Variants in NPAS3 observed in about 807,000 individuals in gnomAD.
NPAS3 encodes the protein neuronal PAS domain-containing protein 3.
In NPAS3, 14 loss-of-function variants were observed where a neutral mutation model predicts 73.1. The ratio of observed to expected loss-of-function variants is 0.19; its 90% confidence interval spans 0.13 to 0.30. The LOEUF (loss-of-function observed/expected upper bound fraction) is 0.30. Ranked by LOEUF, NPAS3 falls within the 10% of genes least tolerant of loss-of-function variation. The pLI is 1.00. For synonymous variants in NPAS3, 620 were observed against 541.5 expected (o/e 1.14, Z -2.01); for missense variants, 1,096 against 1,250.0 (o/e 0.88, Z 1.86).
At chr14:33,090,999 C>T (rs144938496) in intron 2 of NPAS3, among the ~76,000 whole-genome samples, 10 of 152,174 alleles carry the variant, frequency 6.6e-5, no homozygotes, top group South Asian at 4.2e-4. Context: ...TGTGTGTCGA[C>T]GGAAATTTAT....
chr14:33,551,038 T>C (rs958637125), intron 4 of NPAS3, among the ~76,000 whole-genome samples: 7 of 152,182 alleles, frequency 4.6e-5, no homozygotes, highest in South Asian at 2.1e-4. Flanking sequence ...ATACATAAAA[T>C]AAAGAGCAAA....
intron 4 of NPAS3, among the ~76,000 whole-genome samples, chr14:33,403,956 G>A (rs944438137): frequency 6.6e-6 from 1 of 152,122 alleles, no homozygotes; most frequent in Non-Finnish European, 1.5e-5. Flanking sequence ...TAAGCAGTAA[G>A]CACAAATATA....
At chr14:33,211,725 G>A (rs906582751) in intron 2 of NPAS3, among the ~76,000 whole-genome samples, 1 of 152,124 alleles carries the variant, frequency 6.6e-6, no homozygotes, top group Non-Finnish European at 1.5e-5. Flanking sequence ...ATATGTGTGT[G>A]TGTGTTTTGA....
intron 4 of NPAS3, among the ~76,000 whole-genome samples, chr14:33,519,017 TTC>T (rs1372185111): frequency 6.6e-6 from 1 of 152,108 alleles, no homozygotes; most frequent in Non-Finnish European, 1.5e-5. Flanking sequence ...CTGGTAGACT[TTC>T]TGACTCCCTA....
At chr14:33,543,957 A>ATATATC (rs2054639022) in intron 4 of NPAS3, among the ~76,000 whole-genome samples, 5 of 13,866 alleles carry the variant, frequency 3.6e-4, no homozygotes, top group African/African-American at 3.1e-3. Flanking sequence ...ATATATATAT[A>ATATATC]TATATATATA....
intron 5 of NPAS3, among the ~76,000 whole-genome samples, chr14:33,604,464 G>A (rs2057495108): frequency 6.6e-6 from 1 of 151,940 alleles, no homozygotes; most frequent in South Asian, 2.1e-4. Flanking sequence ...GGACACCCGA[G>A]TATAAAGCAG....
chr14:33,200,932 A>T (rs1031997464), intron 2 of NPAS3, among the ~76,000 whole-genome samples: 9 of 152,082 alleles, frequency 5.9e-5, no homozygotes, highest in Admixed American at 1.3e-4. Context: ...ATTTTCTTTG[A>T]TCCTGCAAGT....
intron 5 of NPAS3, among the ~76,000 whole-genome samples, chr14:33,589,351 T>TA (rs2056981547): frequency 6.6e-6 from 1 of 152,174 alleles, no homozygotes; most frequent in Non-Finnish European, 1.5e-5. Flanking sequence ...GAACAATCAA[T>TA]ATAAGAAGCT....
chr14:33,435,836 T>A (rs1458749505), intron 4 of NPAS3, among the ~76,000 whole-genome samples: 1 of 152,056 alleles, frequency 6.6e-6, no homozygotes, highest in Non-Finnish European at 1.5e-5. Flanking sequence ...GCCATGATCA[T>A]CTTCATCATC....
At chr14:32,962,991 T>C (rs1742781267) in intron 1 of NPAS3, among the ~76,000 whole-genome samples, 1 of 151,332 alleles carries the variant, frequency 6.6e-6, no homozygotes, top group Admixed American at 6.6e-5. Context: ...AATTTTAAAG[T>C]GCACATTTCC....
At chr14:33,086,951 T>G (rs1343523067) in intron 2 of NPAS3, among the ~76,000 whole-genome samples, 1 of 151,990 alleles carries the variant, frequency 6.6e-6, no homozygotes, top group Admixed American at 6.6e-5. Context: ...ATTTTAGTTG[T>G]CTCTCAGAAG....
intron 4 of NPAS3, among the ~76,000 whole-genome samples, chr14:33,450,116 A>T (rs927665781): frequency 3.3e-5 from 5 of 152,232 alleles, no homozygotes; most frequent in Admixed American, 6.5e-5. Context: ...ACAAGTTCTC[A>T]TTGGATATAC....
At chr14:33,741,257 G>A (rs535774825) in intron 7 of NPAS3, among the ~76,000 whole-genome samples, 10 of 152,312 alleles carry the variant, frequency 6.6e-5, no homozygotes, top group African/African-American at 2.2e-4. Flanking sequence ...GTGAAATGAT[G>A]ACTACGGCAT....
chr14:33,162,145 T>G (rs1330050274), intron 2 of NPAS3, among the ~76,000 whole-genome samples: 3 of 152,264 alleles, frequency 2.0e-5, no homozygotes, highest in African/African-American at 7.2e-5. Context: ...TACCTGCTTA[T>G]ACGGTCATCT....
intron 2 of NPAS3, among the ~76,000 whole-genome samples, chr14:33,198,456 C>A (rs993526217): frequency 6.6e-6 from 1 of 152,198 alleles, no homozygotes; most frequent in African/African-American, 2.4e-5. Flanking sequence ...CATTTACAAT[C>A]CTGTAGCTAG....
chr14:33,427,661 A>G (rs1184178791), intron 4 of NPAS3, among the ~76,000 whole-genome samples: 1 of 151,874 alleles, frequency 6.6e-6, no homozygotes, highest in African/African-American at 2.4e-5. Flanking sequence ...AGAGCCAAAT[A>G]CTTTGAATGT....
intron 5 of NPAS3, among the ~76,000 whole-genome samples, chr14:33,610,118 C>T (rs1419820200): frequency 6.6e-6 from 1 of 151,992 alleles, no homozygotes; most frequent in Admixed American, 6.6e-5. Context: ...TCCTCCCAAA[C>T]CAGTGTTGGA....
intron 1 of NPAS3, among the ~76,000 whole-genome samples, chr14:32,959,307 T>A (rs554519586): frequency 6.6e-6 from 1 of 152,228 alleles, no homozygotes; most frequent in Non-Finnish European, 1.5e-5. Flanking sequence ...GGCCTGGTTG[T>A]TACTAGGGGC....
intron 4 of NPAS3, among the ~76,000 whole-genome samples, chr14:33,498,659 G>A (rs750545451): frequency 2.0e-5 from 3 of 151,646 alleles, no homozygotes; most frequent in Non-Finnish European, 4.4e-5. Context: ...CATGGACACA[G>A]AGGGGAACAT....
Sources: gnomAD v4.1 joint callset for allele counts (sites outside exome capture counted in the v4.1 genomes callset) on GRCh38, gnomAD v4.1.1 for gene constraint, MANE v1.5 for transcripts, NCBI Gene and HGNC (gene_info 2026-07-23, HGNC 2026-07-21) for gene names.